GLYATL2: variants seen among roughly 807,000 people sequenced by gnomAD.
GLYATL2 encodes glycine N-acyltransferase-like protein 2.
Under a neutral mutation model 21.4 loss-of-function variants are expected in GLYATL2, and 25 were observed. The ratio of observed to expected loss-of-function variants is 1.17; its 90% CI spans 0.85 to 1.63. The LOEUF (loss-of-function observed/expected upper bound fraction) is 1.63, where lower values mean the gene tolerates loss of function less well. GLYATL2 is among the 40% of genes most tolerant of loss of function. The pLI is 0.00. For missense variants in GLYATL2, 361 were observed against 343.3 expected (o/e 1.05, Z -0.41); for synonymous variants, 114 against 118.2 (o/e 0.96, Z 0.23).
chr11:58,866,179 A>T (rs902796548), intron 1 of GLYATL2, among the ~76,000 whole-genome samples: 3 of 149,016 alleles, frequency 2.0e-5, no homozygotes, highest in Non-Finnish European at 4.5e-5. Context: ...CTTCCTCTGT[A>T]AAAGCTTCAA....
chr11:58,906,902 T>A (rs145037012), upstream of GLYATL2, among the ~76,000 whole-genome samples: 9 of 152,210 alleles, frequency 5.9e-5, no homozygotes, highest in African/African-American at 1.4e-4. Flanking sequence ...CAGGTAAAAG[T>A]GCAGATTCCA....
intron 1 of GLYATL2, among the ~76,000 whole-genome samples, chr11:58,872,423 A>G (rs533155515): frequency 6.6e-6 from 1 of 152,378 alleles, no homozygotes; most frequent in African/African-American, 2.4e-5. Flanking sequence ...TTTAGGTATA[A>G]CATGTAAGTC....
At chr11:58,865,046 G>T (rs1348622174) in intron 1 of GLYATL2, among the ~76,000 whole-genome samples, 6 of 148,830 alleles carry the variant, frequency 4.0e-5, no homozygotes, top group Non-Finnish European at 7.4e-5. Context: ...AGGTTGTGTT[G>T]ATGGTTTCAT....
At chr11:58,870,879 A>C (rs2134602419) in intron 1 of GLYATL2, among the ~76,000 whole-genome samples, 1 of 152,356 alleles carries the variant, frequency 6.6e-6, no homozygotes, top group South Asian at 2.1e-4. Flanking sequence ...TCAGGAGCAA[A>C]GACTCTCAAA....
At chr11:58,905,701 G>A (rs368533206), upstream of GLYATL2, 167 of 444,298 alleles carry the variant, frequency 3.8e-4, no homozygotes, top group African/African-American at 3.2e-3. Flanking sequence ...GTTCGGGGGA[G>A]GGGATCGCTG....
chr11:58,861,328 G>C (rs1853927342), intron 1 of GLYATL2, among the ~76,000 whole-genome samples: 1 of 151,590 alleles, frequency 6.6e-6, no homozygotes, highest in African/African-American at 2.4e-5. Context: ...TATGCATCTA[G>C]GAATTTACTC....
intron 1 of GLYATL2, among the ~76,000 whole-genome samples, chr11:58,877,362 C>T (rs207471944): frequency 5.3e-5 from 8 of 152,184 alleles, no homozygotes; most frequent in African/African-American, 1.7e-4. Flanking sequence ...TCTTCTGTGT[C>T]GCTCACACTG....
intron 1 of GLYATL2, among the ~76,000 whole-genome samples, chr11:58,863,130 A>AT (rs35158183): frequency 0.89 from 134,741 of 151,916 alleles, 60,916 homozygotes; most frequent in Non-Finnish European, 0.98. Flanking sequence ...GGTGGATATT[A>AT]TGCATATGTG....
upstream of GLYATL2, chr11:58,908,371 G>GTT (rs998734210): frequency 6.5e-6 from 1 of 153,066 alleles, no homozygotes; most frequent in African/African-American, 2.4e-5. Context: ...TTGTTTTTTT[G>GTT]TTTTTTTAGA....
upstream of GLYATL2, among the ~76,000 whole-genome samples, chr11:58,846,422 G>C (rs559636429): frequency 9.9e-5 from 15 of 152,244 alleles, no homozygotes; most frequent in African/African-American, 3.6e-4. Context: ...CCCTGAAAGA[G>C]GCACTGAAGA....
chr11:58,837,908 C>A (rs1853469504), intron 3 of GLYATL2, among the ~76,000 whole-genome samples: 1 of 152,172 alleles, frequency 6.6e-6, no homozygotes, highest in African/African-American at 2.4e-5. Context: ...GCCTGCCTAC[C>A]CTCTGCTGTT....
chr11:58,891,044 C>G (rs1854535259), intron 1 of GLYATL2, among the ~76,000 whole-genome samples: 1 of 152,100 alleles, frequency 6.6e-6, no homozygotes, highest in Non-Finnish European at 1.5e-5. Context: ...TTTTCGGTCA[C>G]TCCTTTAAAA....
intron 1 of GLYATL2, among the ~76,000 whole-genome samples, chr11:58,859,722 G>A (rs1853898258): frequency 6.6e-6 from 1 of 151,940 alleles, no homozygotes; most frequent in African/African-American, 2.4e-5. Flanking sequence ...TTTCTCCTGT[G>A]TTTTTTTCTA....
intron 1 of GLYATL2, among the ~76,000 whole-genome samples, chr11:58,898,035 G>A (rs544166019): frequency 8.1e-4 from 123 of 152,156 alleles, no homozygotes; most frequent in African/African-American, 2.7e-3. Context: ...TATCCATCAA[G>A]TTCTCTTATT....
intron 1 of GLYATL2, among the ~76,000 whole-genome samples, chr11:58,870,622 T>G (rs1212952760): frequency 6.6e-6 from 1 of 152,190 alleles, no homozygotes; most frequent in Non-Finnish European, 1.5e-5. Context: ...GTTTTACAAA[T>G]GCTGGCAGAT....
At chr11:58,853,711 A>T (rs1853780907) in intron 1 of GLYATL2, among the ~76,000 whole-genome samples, 1 of 152,264 alleles carries the variant, frequency 6.6e-6, no homozygotes, top group Non-Finnish European at 1.5e-5. Context: ...TGAAAATTGT[A>T]TATATTTATT....
chr11:58,881,994 G>A (rs1248282800), intron 1 of GLYATL2, among the ~76,000 whole-genome samples: 1 of 152,110 alleles, frequency 6.6e-6, no homozygotes, highest in Admixed American at 6.5e-5. Flanking sequence ...TGGACATTTG[G>A]GTTGATTCCA....
chr11:58,848,332 G>C (rs1943296), upstream of GLYATL2, among the ~76,000 whole-genome samples: 1 of 151,680 alleles, frequency 6.6e-6, no homozygotes, highest in Non-Finnish European at 1.5e-5. Context: ...TGAGAAGAAT[G>C]GGACCTCACC....
chr11:58,876,192 T>C (rs1213844552), intron 1 of GLYATL2, among the ~76,000 whole-genome samples: 1 of 152,220 alleles, frequency 6.6e-6, no homozygotes, highest in Non-Finnish European at 1.5e-5. Context: ...TCCGTTCATC[T>C]AATGTTTTTT....
Sources: allele counts gnomAD v4.1 joint callset (sites outside exome capture counted in the v4.1 genomes callset), GRCh38; gene constraint gnomAD v4.1.1; transcripts MANE v1.5; gene names NCBI Gene and HGNC (gene_info 2026-07-23, HGNC 2026-07-21).